The following PALLD variants were observed in gnomAD, a reference collection of about 807,000 sequenced individuals.
PALLD encodes palladin, cytoskeletal associated protein.
PALLD carries 61 observed loss-of-function variants against 123.5 expected under a neutral mutation model. The ratio of observed to expected loss-of-function variants is 0.49; its 90% CI spans 0.40 to 0.61. The LOEUF (loss-of-function observed/expected upper bound fraction) is 0.61. Among genes scored for constraint, PALLD ranks in the 20% least tolerant of loss-of-function variants. The pLI, the probability that PALLD is intolerant of heterozygous loss-of-function variation, is 0.00. For missense variants in PALLD, 1,273 were observed against 1,377.0 expected (o/e 0.92, Z 1.20); for synonymous variants, 465 against 496.4 (o/e 0.94, Z 0.84).
intron 17 of PALLD, among the ~76,000 whole-genome samples, chr4:168,917,771 C>T (rs1334422376): frequency 6.6e-6 from 1 of 151,982 alleles, no homozygotes; most frequent in African/African-American, 2.4e-5. Context: ...AGTATAAATA[C>T]ACAAATTGTG....
At chr4:168,597,758 A>T (rs1561288083) in intron 2 of PALLD, among the ~76,000 whole-genome samples, 1 of 152,066 alleles carries the variant, frequency 6.6e-6, no homozygotes, top group Non-Finnish European at 1.5e-5. Flanking sequence ...TTTGAAAAAA[A>T]CTCTAAAACA....
rs1762676405 is a variant in PALLD, at chr4:168,927,189, G to A, written c.*1009G>A. On this transcript the variant is annotated 3_prime_UTR_variant, in exon 22 of 22. Coordinates refer to ENST00000505667, the MANE Select transcript of PALLD (RefSeq NM_001166108.2). ...ACCAAGGCATATATAGTATTTGGAG[G>A]AATCAGGGGTTTGGAAGGAGTAGGG... 4.3e-6 allele frequency: 1 copy of A among 230,362 alleles called. No individual in the cohort carries two copies. Among genetic ancestry groups the A allele is most frequent in the East Asian group, 6.2e-5 (1 of 16,162 alleles). The allele number at this position is 230,362 out of a possible 1,614,324, so 14.3% of individuals were successfully genotyped here.
intron 10 of PALLD, among the ~76,000 whole-genome samples, chr4:168,787,295 C>T (rs1736892340): frequency 6.6e-6 from 1 of 152,272 alleles, no homozygotes; most frequent in East Asian, 1.9e-4. Context: ...CAAGTTTTCT[C>T]TTTTCAGTCA....
intron 2 of PALLD, chr4:168,648,195 C>G (rs1777673855): frequency 6.6e-6 from 1 of 152,104 alleles, no homozygotes; most frequent in Admixed American, 6.6e-5. Flanking sequence ...TTTTCTTACT[C>G]ACCAGAGCCC....
intron 2 of PALLD, among the ~76,000 whole-genome samples, chr4:168,617,812 A>G (rs1774376468): frequency 1.3e-5 from 2 of 152,242 alleles, no homozygotes; most frequent in African/African-American, 4.8e-5. Context: ...GGCAAATATT[A>G]TGATGGTTAT....
At chr4:168,910,938 G>A (rs1382362517) in intron 15 of PALLD, among the ~76,000 whole-genome samples, 2 of 152,096 alleles carry the variant, frequency 1.3e-5, no homozygotes, top group Non-Finnish European at 2.9e-5. Flanking sequence ...TTCTTGCTGG[G>A]GTCCGCCAAG....
intron 10 of PALLD, among the ~76,000 whole-genome samples, chr4:168,826,024 G>A (rs529220796): frequency 6.6e-6 from 1 of 152,212 alleles, no homozygotes; most frequent in South Asian, 2.1e-4. Flanking sequence ...TTCTTATGTA[G>A]GATAAGTTCA....
chr4:168,683,220 G>A (rs2150091721), intron 5 of PALLD, 117 bp downstream of exon 5: 1 of 604,584 alleles, frequency 1.7e-6, no homozygotes, highest in South Asian at 2.1e-5. Flanking sequence ...TTTCTAAGTG[G>A]ACACAAAATT....
chr4:168,848,172 C>A (rs996189740), intron 10 of PALLD, among the ~76,000 whole-genome samples: 2 of 139,860 alleles, frequency 1.4e-5, no homozygotes, highest in African/African-American at 5.8e-5. Context: ...CCACCCCACC[C>A]CACCCCTGGG....
chr4:168,512,438 C>T (rs1437539401), intron 2 of PALLD, 26 bp downstream of exon 2: 1 of 1,585,070 alleles, frequency 6.3e-7, no homozygotes, highest in African/African-American at 1.3e-5. Context: ...TTATGCATAG[C>T]AAATGATCTT....
chr4:168,865,033 T>C (rs1283428262), intron 10 of PALLD, among the ~76,000 whole-genome samples: 3 of 152,268 alleles, frequency 2.0e-5, no homozygotes, highest in Non-Finnish European at 4.4e-5. Context: ...TTCGTGGTTT[T>C]AGTCATTTCT....
intron 8 of PALLD, among the ~76,000 whole-genome samples, chr4:168,692,185 C>A (rs923689766): frequency 3.3e-5 from 5 of 152,164 alleles, no homozygotes; most frequent in East Asian, 1.9e-4. Flanking sequence ...ACTGGAAAGT[C>A]CTCTGTGGGC....
rs145912076 is a variant in PALLD at position 168,580,404 on chromosome 4, G to A, written c.908+67992G>A. ...CAATATCACTAACCATTAGAGTAAT[G>A]CAAATCAAAACCACAGTGAGATACC... On this transcript the variant is annotated intron_variant, in intron 2 of 21. Transcript: ENST00000505667. Among the ~76,000 whole-genome samples, 298 of 152,066 alleles carry A rather than the reference G, an allele frequency of 2.0e-3. 2 individuals carry two copies. Among genetic ancestry groups the A allele is most frequent in the African/African-American group, 6.7e-3 (279 of 41,500 alleles).
chr4:168,780,520 C>A (rs1412300718), intron 10 of PALLD, among the ~76,000 whole-genome samples: 1 of 152,214 alleles, frequency 6.6e-6, no homozygotes, highest in Non-Finnish European at 1.5e-5. Context: ...AACATTTTCT[C>A]TTCACACAAG....
Position 168,511,468 on chromosome 4 carries a change from T to G in PALLD, c.-37T>G, listed in dbSNP as rs1427815189. ...TTTCCAGTGCCTCTGGCCTTCCTACTGAAAGCAGACACAGAGTGCATGAAG... is the reference window on the plus strand; with the variant it reads ...TTTCCAGTGCCTCTGGCCTTCCTACGGAAAGCAGACACAGAGTGCATGAAG... On this transcript the variant is annotated 5_prime_UTR_variant, in exon 2 of 22. Coordinates refer to ENST00000505667, the MANE Select transcript of PALLD (RefSeq NM_001166108.2). 2 of 1,543,402 alleles carry G rather than the reference T, an allele frequency of 1.3e-6. No homozygotes were observed. Among genetic ancestry groups the G allele is most frequent in the African/African-American group, 2.7e-5 (2 of 73,486 alleles).
chr4:168,898,438 G>A lies in PALLD; in HGVS notation c.2251-55G>A, dbSNP rs10026521. The A allele has an allele frequency of 0.12, 136,114 of 1,123,888 alleles. 9,214 individuals are homozygous for A. Among genetic ancestry groups the A allele is most frequent in the African/African-American group, 0.26 (16,964 of 65,368 alleles). The allele number at this position is 1,123,888 out of a possible 1,614,324, so 69.6% of individuals were successfully genotyped here. A position where few individuals can be genotyped will look rare whatever the true frequency, so the allele number is the denominator to read the frequency against. ...GCCTTATTGGGGGGCAGGGAGAGAC[G>A]TGACACTTTGTCAGAAGGGATTGAG... On this transcript the variant is annotated intron_variant, in intron 13 of 21. Coordinates refer to ENST00000505667, the MANE Select transcript of PALLD (RefSeq NM_001166108.2).
chr4:168,514,889 G>A (rs1421771013), intron 2 of PALLD, among the ~76,000 whole-genome samples: 2 of 152,148 alleles, frequency 1.3e-5, no homozygotes, highest in Admixed American at 1.3e-4. Context: ...GATTCTAGGG[G>A]TCATCAAATT....
At chr4:168,902,477 G>A (rs887277426) in intron 14 of PALLD, among the ~76,000 whole-genome samples, 4 of 151,920 alleles carry the variant, frequency 2.6e-5, no homozygotes, top group African/African-American at 9.7e-5. Context: ...AACTTAAATC[G>A]AAAATAATAA....
At chr4:168,562,362 A>G (rs1767953417) in intron 2 of PALLD, among the ~76,000 whole-genome samples, 1 of 152,230 alleles carries the variant, frequency 6.6e-6, no homozygotes, top group Non-Finnish European at 1.5e-5. Context: ...ATCCATCATT[A>G]AAGAAGTTCA....
Sources: allele counts gnomAD v4.1 joint callset (sites outside exome capture counted in the v4.1 genomes callset), GRCh38; gene constraint gnomAD v4.1.1; transcripts MANE v1.5; gene names NCBI Gene and HGNC (gene_info 2026-07-23, HGNC 2026-07-21).